LINGO1: variants seen among roughly 807,000 people sequenced by gnomAD.
The protein encoded by LINGO1 is leucine-rich repeat and immunoglobulin-like domain-containing nogo receptor-interacting protein 1.
Under a neutral mutation model 37.3 loss-of-function variants are expected in LINGO1, and 11 were observed. The ratio of observed to expected loss-of-function variants is 0.29; its 90% CI spans 0.19 to 0.49. LINGO1 has a LOEUF of 0.49. Among genes scored for constraint, LINGO1 ranks in the 20% least tolerant of loss-of-function variants. The pLI is 0.99. For missense variants in LINGO1, 585 were observed against 878.2 expected, an observed-to-expected ratio of 0.67 and a Z score of 4.22; for synonymous variants, 387 against 403.0, an observed-to-expected ratio of 0.96 and a Z score of 0.48.
chr15:77,780,520 C>T (rs7180080), intron 1 of LINGO1, among the ~76,000 whole-genome samples: 151,880 of 152,090 alleles, frequency 1, 75,837 homozygotes, highest in Middle Eastern at 1. Flanking sequence ...CCTTGCGGAA[C>T]ATTAAACCAA....
Position 77,720,063 on chromosome 15 carries a change from G to A in LINGO1, c.-195+14929C>T, listed in dbSNP as rs1450791669. Among the ~76,000 whole-genome samples the A allele has an allele frequency of 1.3e-5, 2 of 149,748 alleles. 1 individual carries two copies. The highest frequency in any genetic ancestry group is 4.9e-5 in the African/African-American group (2 of 41,168). On this transcript the variant is annotated intron_variant, in intron 2 of 3. Coordinates refer to the LINGO1 transcript ENST00000561686. ...CCCCTGCCTCACCACCCCTCCTGCT[G>A]ACTTGCATCCACCTCTTCTAGCACA...
At chr15:77,652,483 A>AGAGAGTGTGTGTGT (rs1555525720) in intron 3 of LINGO1, among the ~76,000 whole-genome samples, 1 of 128,960 alleles carries the variant, frequency 7.8e-6, no homozygotes, top group Admixed American at 7.7e-5. Context: ...GGGGAGGGAG[A>AGAGAGTGTGTGTGT]GTGTGTGTGT....
At chr15:77,762,714 A>G (rs1183072793) in intron 1 of LINGO1, among the ~76,000 whole-genome samples, 1 of 152,018 alleles carries the variant, frequency 6.6e-6, no homozygotes, top group Non-Finnish European at 1.5e-5. Context: ...TTCCACTTTC[A>G]ACACTCAGTC....
At chr15:77,744,740 A>C (rs2076296604) in intron 1 of LINGO1, among the ~76,000 whole-genome samples, 1 of 152,200 alleles carries the variant, frequency 6.6e-6, no homozygotes, top group African/African-American at 2.4e-5. Context: ...TCATGCACAT[A>C]GAGCTACTGA....
intron 1 of LINGO1, chr15:77,819,484 C>T (rs1159172949): frequency 6.6e-6 from 1 of 151,742 alleles, no homozygotes; most frequent in Non-Finnish European, 1.5e-5. Flanking sequence ...TCCCGGCTCC[C>T]CTGCGCGTCC....
upstream of LINGO1, among the ~76,000 whole-genome samples, chr15:77,790,035 G>T (rs188288334): frequency 6.6e-6 from 1 of 152,208 alleles, no homozygotes; most frequent in Non-Finnish European, 1.5e-5. Context: ...ACCTCCTAAA[G>T]TGCTAGGATT....
chr15:77,674,372 G>C (rs542463241), intron 3 of LINGO1, among the ~76,000 whole-genome samples: 13 of 152,288 alleles, frequency 8.5e-5, no homozygotes, highest in African/African-American at 2.9e-4. Flanking sequence ...GAGGGATCTG[G>C]TTAAAATGTA....
intron 1 of LINGO1, among the ~76,000 whole-genome samples, chr15:77,753,085 G>A (rs1374505198): frequency 5.3e-5 from 8 of 152,226 alleles, no homozygotes; most frequent in Admixed American, 2.6e-4. Context: ...CTTTCTCGCC[G>A]TTGTCATGGC....
rs73455799 is a variant in LINGO1, at chr15:77,805,567, C to T, written c.-457-9514G>A. Among the ~76,000 whole-genome samples, 915 of 152,216 alleles carry T rather than the reference C, an allele frequency of 6.0e-3. 8 individuals carry two copies. Among genetic ancestry groups the T allele is most frequent in the African/African-American group, 0.021 (857 of 41,532 alleles). On this transcript the variant is annotated intron_variant, in intron 1 of 5. Coordinates refer to the LINGO1 transcript ENST00000562933. ...AGGGGGCTCTCTGCTAGTTGGCAGA[C>T]GAGAGCTGTGGCTGTGGAGCAAGGG...
intron 2 of LINGO1, among the ~76,000 whole-genome samples, chr15:77,734,594 C>T (rs1309210174): frequency 6.6e-6 from 1 of 151,778 alleles, no homozygotes; most frequent in Admixed American, 6.6e-5. Context: ...CCCCACAGGC[C>T]GCCCACCTTA....
At chr15:77,637,502 C>T (rs2074419138), upstream of LINGO1, among the ~76,000 whole-genome samples, 1 of 152,206 alleles carries the variant, frequency 6.6e-6, no homozygotes, top group Admixed American at 6.5e-5. This position sits in a 1 kb window ranked among gnomAD's most constrained non-coding sequence, Gnocchi z 4.6. Flanking sequence ...TCCCTGGACA[C>T]CTTCCTGAGT....
chr15:77,756,670 A>G (rs1274187643), intron 1 of LINGO1, among the ~76,000 whole-genome samples: 1 of 152,202 alleles, frequency 6.6e-6, no homozygotes, highest in Non-Finnish European at 1.5e-5. Context: ...TCTGGCTTTC[A>G]ATTACTTCTG....
At chr15:77,776,530 G>GAGTA (rs1247358368) in intron 1 of LINGO1, among the ~76,000 whole-genome samples, 943 of 34,388 alleles carry the variant, frequency 0.027, 23 homozygotes, top group Non-Finnish European at 0.041. Context: ...GGGAGGAAGG[G>GAGTA]AGGGAGGGAG....
At position 77,614,090 on chromosome 15, in the gene LINGO1, A is replaced by G. The variant is rs2142469848; in HGVS notation, c.1817T>C (p.Ile606Thr). 6.2e-7 allele frequency: 1 copy of G among 1,613,300 alleles called. No individual in the cohort carries two copies. Among genetic ancestry groups the G allele is most frequent in the Non-Finnish European group, 8.5e-7 (1 of 1,179,604 alleles). Residue 606 changes from isoleucine to threonine, a missense_variant, in exon 2 of 2, where the codon ATC becomes ACC. Physicochemically the swap from Ile to Thr is moderately conservative, Grantham distance 89. Transcript: ENST00000355300. The part of the protein sequence containing the change: ...EYVPRKSDAG[I>T]SSADAPRKFN... ...CTTGCGGGGCGCGTCGGCGGAGCTG[A>G]TGCCTGCGTCCGACTTTCGGGGCAC...
intron 3 of LINGO1, among the ~76,000 whole-genome samples, chr15:77,652,481 AGAGTGT>A (rs1199122021): frequency 3.6e-5 from 2 of 56,296 alleles, no homozygotes; most frequent in Admixed American, 1.8e-4. Context: ...CTGGGGAGGG[AGAGTGT>A]GTGTGTGTGT....
chr15:77,770,388 G>A (rs1390064124), intron 1 of LINGO1, among the ~76,000 whole-genome samples: 1 of 152,034 alleles, frequency 6.6e-6, no homozygotes, highest in Non-Finnish European at 1.5e-5. Context: ...AGGAGTTCGA[G>A]ACCAGCCTGA....
upstream of LINGO1, among the ~76,000 whole-genome samples, chr15:77,697,886 G>A (rs1156639835): frequency 2.0e-5 from 3 of 152,208 alleles, no homozygotes; most frequent in African/African-American, 7.2e-5. Context: ...CCCAGTGTCT[G>A]GAGAGGGAGA....
At chr15:77,763,947 C>T (rs995349241) in intron 1 of LINGO1, among the ~76,000 whole-genome samples, 1 of 152,232 alleles carries the variant, frequency 6.6e-6, no homozygotes, top group Admixed American at 6.5e-5. Flanking sequence ...GTCTCCTCAA[C>T]TCTCAGCCCA....
chr15:77,753,014 G>A (rs968041391), intron 1 of LINGO1, among the ~76,000 whole-genome samples: 3 of 152,194 alleles, frequency 2.0e-5, no homozygotes, highest in African/African-American at 4.8e-5. Context: ...CATCTCTCAA[G>A]TACTTCTCAC....
Sources: gnomAD v4.1 joint callset for allele counts (sites outside exome capture counted in the v4.1 genomes callset) on GRCh38, gnomAD v4.1.1 for gene constraint, Gnocchi (gnomAD v3.1) non-coding constraint, MANE v1.5 for transcripts, NCBI Gene and HGNC (gene_info 2026-07-23, HGNC 2026-07-21) for gene names.